SLC66A1: variants seen among roughly 807,000 people sequenced by gnomAD.
The protein encoded by SLC66A1 is solute carrier family 66 member 1, also known as lysosomal amino acid transporter 1 homolog.
SLC66A1 carries 23 observed loss-of-function variants against 33.0 expected under a neutral mutation model. The observed-to-expected ratio is 0.70, with a 90% CI of 0.50 to 0.99. The LOEUF (loss-of-function observed/expected upper bound fraction) is 0.99, where lower values mean the gene tolerates loss of function less well. Among genes scored for constraint, SLC66A1 ranks in the 50% least tolerant of loss-of-function variants. The probability of loss-of-function intolerance (pLI) is 0.00; values close to 1 mark genes in which losing one functional copy is unlikely to be tolerated. For missense variants in SLC66A1, 335 were observed against 383.6 expected (o/e 0.87, Z 1.06); for synonymous variants, 164 against 175.5 (o/e 0.93, Z 0.52).
Position 19,326,582 on chromosome 1 carries a change from G to C in SLC66A1, c.577G>C (p.Val193Leu). 1 of 1,614,218 alleles carries C rather than the reference G, an allele frequency of 6.2e-7. No individual in the cohort carries two copies. Among genetic ancestry groups the C allele is most frequent in the Non-Finnish European group, 8.5e-7 (1 of 1,180,044 alleles). Residue 193 changes from valine to leucine, a missense_variant, in exon 6 of 8, where the codon GTG (valine) becomes CTG (leucine). Transcript: ENST00000375153. ...CTTCGTCATCGGCTCCATCTCCAGCGTGTTGTACCTGCTTTCCCGGCTGCC... is the reference window on the plus strand; with the variant it reads ...CTTCGTCATCGGCTCCATCTCCAGCCTGTTGTACCTGCTTTCCCGGCTGCC... ...IGFVIGSISS[V>L]LYLLSRLPQI...
downstream of SLC66A1, among the ~76,000 whole-genome samples, chr1:19,333,159 G>A (rs1268690868): frequency 2.0e-5 from 3 of 152,120 alleles, no homozygotes; most frequent in Non-Finnish European, 4.4e-5. The surrounding 1 kb of genome is among the most constrained non-coding windows in gnomAD (Gnocchi z 4.2). Flanking sequence ...ACTGGACCCC[G>A]CGCCCTCCCT....
At chr1:19,322,790 C>T (rs1427408492) in intron 2 of SLC66A1, among the ~76,000 whole-genome samples, 1 of 152,196 alleles carries the variant, frequency 6.6e-6, no homozygotes, top group Non-Finnish European at 1.5e-5. Flanking sequence ...CAAGGATCCC[C>T]TCACAGAATG....
At chr1:19,316,895 AG>A (rs1558145750) in intron 1 of SLC66A1, among the ~76,000 whole-genome samples, 2 of 90,252 alleles carry the variant, frequency 2.2e-5, no homozygotes, top group African/African-American at 8.4e-5. Context: ...TTTTAGAGGG[AG>A]TCTTGCTCTG....
At chr1:19,326,982 G>A (rs61766660) in intron 6 of SLC66A1, among the ~76,000 whole-genome samples, 6,372 of 152,254 alleles carry the variant, frequency 0.042, 173 homozygotes, top group African/African-American at 0.059. Flanking sequence ...GGAATGCAGG[G>A]TGGTGTGGGG....
At chr1:19,325,657 T>C in intron 4 of SLC66A1, 75 bp downstream of exon 4, 2 of 1,246,648 alleles carry the variant, frequency 1.6e-6, no homozygotes, top group East Asian at 2.4e-5. Flanking sequence ...GCGCCTGGAG[T>C]GTGGGAGGAA....
intron 4 of SLC66A1, among the ~76,000 whole-genome samples, chr1:19,325,968 G>A (rs954567767): frequency 2.6e-5 from 4 of 152,196 alleles, no homozygotes; most frequent in Admixed American, 1.3e-4. Flanking sequence ...ATACAGACAC[G>A]GGGAGGGACC....
At chr1:19,322,222 G>A (rs12088952) in intron 2 of SLC66A1, among the ~76,000 whole-genome samples, 36,164 of 151,646 alleles carry the variant, frequency 0.24, 4,657 homozygotes, top group South Asian at 0.33. Context: ...TGATGGGGCC[G>A]GGGGCGGGAG....
Position 19,316,353 on chromosome 1 carries a change from TTGTGTG to T in SLC66A1, c.-78-1211_-78-1206del, listed in dbSNP as rs36226389. On this transcript the variant is annotated intron_variant, in intron 1 of 7. Transcript: ENST00000375153. ...TCTGTGTGGGGCAACTCTTTATGGT[TTGTGTG>T]TGTGTGTGTGTGTGTGTGTGTGTGT... Among the ~76,000 whole-genome samples, 1,090 of 144,900 alleles carry T rather than the reference TTGTGTG, an allele frequency of 7.5e-3. 5 individuals are homozygous for T. Among genetic ancestry groups the T allele is most frequent in the South Asian group, 0.019 (84 of 4,512 alleles).
chr1:19,331,074 C>G (rs770976452), downstream of SLC66A1, among the ~76,000 whole-genome samples: 1 of 152,164 alleles, frequency 6.6e-6, no homozygotes, highest in African/African-American at 2.4e-5. Context: ...TGCAATGGTG[C>G]GATCTCAGCT....
chr1:19,327,407 A>C lies in SLC66A1; in HGVS notation c.799A>C (p.Thr267Pro). 6.3e-7 allele frequency: 1 copy of C among 1,589,358 alleles called. No individual in the cohort carries two copies. Among genetic ancestry groups the C allele is most frequent in the Non-Finnish European group, 8.6e-7 (1 of 1,167,600 alleles). Residue 267 changes from threonine (T) to proline (P), a missense_variant, in exon 7 of 8, where the codon ACC becomes CCC. Thr to Pro is a conservative substitution (Grantham distance 38). Transcript: ENST00000375153. ...VGSLGVLLLD[T>P]IISIQFLVYR... ...CAGCCTGGGCGTGCTGCTGCTCGAC[A>C]CCATCGTATCCTTCAGGGCGTGTGG...
At chr1:19,323,685 G>T (rs1027037704) in intron 2 of SLC66A1, among the ~76,000 whole-genome samples, 13 of 142,322 alleles carry the variant, frequency 9.1e-5, no homozygotes, top group Admixed American at 8.9e-4. Flanking sequence ...GGGATTGCAG[G>T]TGTGAGCCAA....
intron 2 of SLC66A1, among the ~76,000 whole-genome samples, chr1:19,323,135 T>A (rs2093846343): frequency 6.6e-6 from 1 of 151,742 alleles, no homozygotes. Flanking sequence ...TGCCTCAGCC[T>A]CCTGAAGTGC....
chr1:19,317,473 G>A lies in SLC66A1; in HGVS notation c.-78-127G>A, dbSNP rs113074475. ...TTGGGTCCTGGTGGGTGAAGATTAT[G>A]TCTTTGCCCTTCTCTGGCTCAGGGC... is the stretch of plus-strand genomic sequence containing the variant. On this transcript the variant is annotated intron_variant, in intron 1 of 7. Coordinates refer to ENST00000375153, the MANE Select transcript of SLC66A1 (RefSeq NM_001040125.2). 61 of 1,237,652 alleles carry A rather than the reference G, an allele frequency of 4.9e-5. 1 individual carries two copies. In the African/African-American group the frequency reaches 6.4e-4, roughly 13 times the overall value. The allele number at this position is 1,237,652 out of a possible 1,614,324, so 76.7% of individuals were successfully genotyped here.
chr1:19,331,468 ATCCTTGCTGGGG>A (rs2093892389), downstream of SLC66A1, among the ~76,000 whole-genome samples: 1 of 151,974 alleles, frequency 6.6e-6, no homozygotes, highest in Non-Finnish European at 1.5e-5. Context: ...CCCTTCCTCC[ATCCTTGCTGGGG>A]GCCCATGGCT....
intron 2 of SLC66A1, among the ~76,000 whole-genome samples, chr1:19,319,605 G>GGTTTTTTTTTTTTTTTTT (rs2093823237): frequency 3.6e-5 from 4 of 111,868 alleles, no homozygotes; most frequent in African/African-American, 1.6e-4. Context: ...GCACATTCAT[G>GGTTTTTTTTTTTTTTTTT]TTTTTTTTTT....
In SLC66A1 at chr1:19,328,142, C is replaced by T. The variant is rs185158853; in HGVS notation, c.805-430C>T. On this transcript the variant is annotated intron_variant, in intron 7 of 7. Transcript: ENST00000375153. The surrounding 1 kb of genome is among the most constrained non-coding windows in gnomAD (Gnocchi z 4.7). ...TGGCTGTAAAGAGCGTTACCTGGGT[C>T]TCATTTCGGAGCAAGTAAACATGGC... 5 of 296,104 alleles carry T rather than the reference C, an allele frequency of 1.7e-5. No individual in the cohort carries two copies. The East Asian group carries it at 4.1e-4, about 24-fold the overall frequency. 18.3% of individuals were successfully genotyped at this position (296,104 alleles called of 1,614,324 possible).
At chr1:19,316,116 G>A (rs1054323764) in intron 1 of SLC66A1, among the ~76,000 whole-genome samples, 3 of 152,194 alleles carry the variant, frequency 2.0e-5, no homozygotes, top group African/African-American at 7.2e-5. Flanking sequence ...CCCGGGTAGC[G>A]GGAGAGGCCT....
chr1:19,324,489 G>T lies in SLC66A1; in HGVS notation c.165-144G>T, dbSNP rs560954725. ...GAGAAGGCTTCTGAGGATCCCGCCCGTGGGGAGGATGGGCCGCCAGGCCAC... is the reference window on the plus strand; with the variant it reads ...GAGAAGGCTTCTGAGGATCCCGCCCTTGGGGAGGATGGGCCGCCAGGCCAC... On this transcript the variant is annotated intron_variant, in intron 2 of 7. Transcript: ENST00000375153. The T allele has an allele frequency of 1.6e-4, 162 of 998,314 alleles. No homozygotes were observed. The African/African-American group carries it at 2.3e-3, about 14-fold the overall frequency. The allele number at this position is 998,314 out of a possible 1,614,324, so 61.8% of individuals were successfully genotyped here. A position where few individuals can be genotyped will look rare whatever the true frequency, so the allele number is the denominator to read the frequency against.
chr1:19,326,178 G>A (rs942107092), intron 4 of SLC66A1, 67 bp from the exon 5 acceptor site: 3 of 1,496,674 alleles, frequency 2.0e-6, no homozygotes, highest in South Asian at 2.4e-5. Flanking sequence ...CCAGGACTTA[G>A]CACCCTCCCC....
Sources: allele counts gnomAD v4.1 joint callset (sites outside exome capture counted in the v4.1 genomes callset), GRCh38; gene constraint gnomAD v4.1.1; non-coding constraint Gnocchi (gnomAD v3.1); transcripts MANE v1.5; gene names NCBI Gene and HGNC (gene_info 2026-07-23, HGNC 2026-07-21).